Variants in CDH18 observed in about 807,000 individuals in gnomAD.
The protein encoded by CDH18 is cadherin 18, also known as cadherin-18.
In CDH18, 31 loss-of-function variants were observed where a neutral mutation model predicts 67.9. The ratio of observed to expected loss-of-function variants is 0.46; its 90% CI spans 0.34 to 0.62. CDH18 has a LOEUF of 0.62. CDH18 is among the 20% of genes least tolerant of loss of function. The probability of loss-of-function intolerance (pLI) is 0.01; values close to 1 mark genes in which losing one functional copy is unlikely to be tolerated. For missense variants in CDH18, 890 were observed against 975.5 expected (o/e 0.91, Z 1.17); for synonymous variants, 362 against 347.2 (o/e 1.04, Z -0.48).
At chr5:19,593,731 T>C (rs879920509) in intron 6 of CDH18, among the ~76,000 whole-genome samples, 10,228 of 137,286 alleles carry the variant, frequency 0.075, 950 homozygotes, top group East Asian at 0.25. Context: ...TTCTTCTTCT[T>C]CTTCTTCTTC....
chr5:20,042,198 GA>G (rs1202936654), intron 2 of CDH18, among the ~76,000 whole-genome samples: 1 of 152,120 alleles, frequency 6.6e-6, no homozygotes, highest in Non-Finnish European at 1.5e-5. Context: ...TAAGGATAAA[GA>G]AAACTTGGAA....
At chr5:19,835,017 C>A (rs1781466125) in intron 3 of CDH18, among the ~76,000 whole-genome samples, 3 of 152,210 alleles carry the variant, frequency 2.0e-5, no homozygotes, top group Admixed American at 2.0e-4. Context: ...AATCTCATTA[C>A]TGGATATATA....
chr5:20,395,844 T>C (rs1399359164), intron 1 of CDH18, among the ~76,000 whole-genome samples: 2 of 152,042 alleles, frequency 1.3e-5, no homozygotes, highest in East Asian at 3.9e-4. Flanking sequence ...GCTGAAGGCT[T>C]AGAAACCCAA....
intron 2 of CDH18, among the ~76,000 whole-genome samples, chr5:19,896,425 ACCT>A (rs1789346219): frequency 6.6e-6 from 1 of 152,056 alleles, no homozygotes; most frequent in African/African-American, 2.4e-5. Context: ...ACCATCATAA[ACCT>A]CCTTCTAAGA....
chr5:20,560,468 T>TACACATACAC (rs1554019494), intron 1 of CDH18, among the ~76,000 whole-genome samples: 2 of 127,700 alleles, frequency 1.6e-5, no homozygotes, highest in South Asian at 2.8e-4. Context: ...CCAACACTCA[T>TACACATACAC]ACACACACAC....
At chr5:19,689,894 A>G (rs761993622) in intron 5 of CDH18, among the ~76,000 whole-genome samples, 2 of 151,770 alleles carry the variant, frequency 1.3e-5, no homozygotes, top group Non-Finnish European at 3.0e-5. Flanking sequence ...GTAGACACAT[A>G]TAGACTGAAA....
intron 2 of CDH18, among the ~76,000 whole-genome samples, chr5:20,104,859 C>A (rs777921522): frequency 2.0e-5 from 3 of 152,140 alleles, no homozygotes; most frequent in Non-Finnish European, 4.4e-5. Flanking sequence ...CACAACCACA[C>A]CTACACCCAC....
In CDH18 at chr5:19,972,518, T is replaced by A. The variant is rs533896822; in HGVS notation, c.-257+8542A>T. 2.6e-5 allele frequency among the ~76,000 whole-genome samples: 4 copies of A among 152,140 alleles called. No individual in the cohort carries two copies. In the South Asian group the frequency reaches 8.3e-4, roughly 32 times the overall value. ...AATTGATGACTCCAGTTTAAGAGTA[T>A]GAATGTTCACTGCATTATTCTTTCA... is the stretch of plus-strand genomic sequence containing the variant. On this transcript the variant is annotated intron_variant, in intron 2 of 12. Coordinates refer to ENST00000382275, the MANE Select transcript of CDH18 (RefSeq NM_004934.5).
At chr5:20,441,772 G>T (rs185819775) in intron 1 of CDH18, among the ~76,000 whole-genome samples, 1 of 146,880 alleles carries the variant, frequency 6.8e-6, no homozygotes, top group Admixed American at 6.7e-5. Context: ...CAAGATAAAA[G>T]GATTTATTTA....
intron 4 of CDH18, among the ~76,000 whole-genome samples, chr5:19,732,890 G>A (rs1176804005): frequency 6.6e-6 from 1 of 152,128 alleles, no homozygotes; most frequent in Non-Finnish European, 1.5e-5. Context: ...CTCACCTACA[G>A]GCTGTCAAAC....
chr5:20,366,155 C>T (rs1436949583), intron 1 of CDH18, among the ~76,000 whole-genome samples: 2 of 152,144 alleles, frequency 1.3e-5, no homozygotes, highest in Non-Finnish European at 2.9e-5. Context: ...ATAGTCACCT[C>T]AAATTTATCA....
chr5:19,685,178 G>T (rs1026831715), intron 5 of CDH18, among the ~76,000 whole-genome samples: 2 of 152,098 alleles, frequency 1.3e-5, no homozygotes, highest in African/African-American at 4.8e-5. Flanking sequence ...GTCAAGTAGG[G>T]AAAATGAAAT....
At chr5:19,582,725 GT>G (rs1475726703) in intron 7 of CDH18, among the ~76,000 whole-genome samples, 2 of 151,946 alleles carry the variant, frequency 1.3e-5, no homozygotes, top group Non-Finnish European at 2.9e-5. Context: ...TTGTGATCAT[GT>G]GTTTGCCTGT....
intron 6 of CDH18, among the ~76,000 whole-genome samples, chr5:19,592,704 TAAAC>T (rs1164494468): frequency 1.3e-5 from 2 of 152,140 alleles, no homozygotes; most frequent in South Asian, 2.1e-4. Context: ...ATCCATCCGA[TAAAC>T]AAATTTCTAC....
At chr5:20,347,308 C>A (rs546423889) in intron 1 of CDH18, among the ~76,000 whole-genome samples, 3 of 152,282 alleles carry the variant, frequency 2.0e-5, no homozygotes, top group East Asian at 1.9e-4. Context: ...GCCTGCTAGA[C>A]CACCCTCTGC....
At chr5:19,599,674 G>A (rs374168485) in intron 6 of CDH18, among the ~76,000 whole-genome samples, 2 of 152,018 alleles carry the variant, frequency 1.3e-5, no homozygotes, top group South Asian at 2.1e-4. Context: ...AGGCCGAGGC[G>A]GGCAGATCAC....
chr5:19,861,698 G>A (rs1455942525), intron 2 of CDH18, among the ~76,000 whole-genome samples: 2 of 152,030 alleles, frequency 1.3e-5, no homozygotes, highest in African/African-American at 4.8e-5. Flanking sequence ...ATCCAATATG[G>A]GGAGTGAAAA....
intron 8 of CDH18, among the ~76,000 whole-genome samples, chr5:19,562,219 T>C (rs1739575527): frequency 6.6e-6 from 1 of 152,200 alleles, no homozygotes; most frequent in Non-Finnish European, 1.5e-5. Flanking sequence ...GAACACAGTT[T>C]AAAACATATT....
chr5:20,354,598 G>T (rs1157611601), intron 1 of CDH18, among the ~76,000 whole-genome samples: 2 of 152,026 alleles, frequency 1.3e-5, no homozygotes, highest in Non-Finnish European at 1.5e-5. Context: ...TTGCTATGTT[G>T]CCCAGGCTAG....
Sources: gnomAD v4.1 joint callset for allele counts (sites outside exome capture counted in the v4.1 genomes callset) on GRCh38, gnomAD v4.1.1 for gene constraint, MANE v1.5 for transcripts, NCBI Gene and HGNC (gene_info 2026-07-23, HGNC 2026-07-21) for gene names.